TMEM225B: variants seen among roughly 807,000 people sequenced by gnomAD.
TMEM225B encodes transmembrane protein 225-like.
TMEM225B carries 10 observed loss-of-function variants against 16.9 expected under a neutral mutation model. The ratio of observed to expected loss-of-function variants is 0.59; its 90% confidence interval spans 0.36 to 1.00. The LOEUF (loss-of-function observed/expected upper bound fraction) is 1.00. Ranked by LOEUF, TMEM225B falls within the 50% of genes least tolerant of loss-of-function variation. The pLI is 0.01. For synonymous variants in TMEM225B, 92 were observed against 109.8 expected, an observed-to-expected ratio of 0.84 and a Z score of 1.01; for missense variants, 217 against 267.0, an observed-to-expected ratio of 0.81 and a Z score of 1.30.
intron 1 of TMEM225B, 34 bp downstream of exon 1, chr7:99,598,415 G>A (rs915898489): frequency 6.6e-6 from 1 of 152,530 alleles, no homozygotes; most frequent in Non-Finnish European, 1.5e-5. Flanking sequence ...ACCAGTATGG[G>A]GGAGAGCAAG....
At chr7:99,610,347 G>A (rs1188735543) in intron 5 of TMEM225B, 46 bp from the exon 6 acceptor site, 8 of 1,493,260 alleles carry the variant, frequency 5.4e-6, no homozygotes, top group East Asian at 2.5e-5. Flanking sequence ...AGGGCGTGGA[G>A]CTCTGGACTT....
chr7:99,601,962 T>G (rs145297825), intron 2 of TMEM225B, among the ~76,000 whole-genome samples: 1 of 152,194 alleles, frequency 6.6e-6, no homozygotes, highest in East Asian at 1.9e-4. Flanking sequence ...GAAAGCATGC[T>G]CACTTCGAGG....
intron 1 of TMEM225B, among the ~76,000 whole-genome samples, 154 bp from the exon 2 acceptor site, chr7:99,600,051 G>A: frequency 6.6e-6 from 1 of 152,232 alleles, no homozygotes; most frequent in East Asian, 1.9e-4. Flanking sequence ...AGGGAAAGGA[G>A]GACAAGGTCC....
rs1805953639 is a variant in TMEM225B, at chr7:99,607,806, G to A, written c.489G>A (p.Val163=). The change falls in exon 5 of 6, where the codon GTG becomes GTA. Residue 163 remains valine (V), a synonymous_variant. Coordinates refer to ENST00000431679, the MANE Select transcript of TMEM225B (RefSeq NM_001195541.3). The part of the protein sequence containing the change: ...VLGFGIFLFI[V]AGTICLIQEM... ...GCTTCGGCATCTTTCTGTTCATAGT[G>A]GCTGGTGAGTGTCCAGGGAACAGTG... is the stretch of plus-strand genomic sequence containing the variant. 6.5e-7 allele frequency: 1 copy of A among 1,535,852 alleles called. No homozygotes were observed. The highest frequency in any genetic ancestry group is 8.7e-7 in the Non-Finnish European group (1 of 1,146,812).
Position 99,598,313 on chromosome 7 carries a change from G to T in TMEM225B, c.-153G>T, listed in dbSNP as rs867646975. ...GTGGAGCCTGGAGTGGAGGGCGAGG[G>T]TCCCACCGTGACCCGCCTGGAGGGC... On this transcript the variant is annotated 5_prime_UTR_variant, in exon 1 of 6. Transcript: ENST00000431679. 30 of 152,388 alleles carry T rather than the reference G, an allele frequency of 2.0e-4. No homozygotes were observed. The highest frequency in any genetic ancestry group is 7.2e-4 in the African/African-American group (30 of 41,458). 9.4% of individuals were successfully genotyped at this position (152,388 alleles called of 1,614,324 possible).
intron 1 of TMEM225B, among the ~76,000 whole-genome samples, chr7:99,599,134 T>A (rs1805114773): frequency 6.8e-6 from 1 of 147,536 alleles, no homozygotes; most frequent in Non-Finnish European, 1.5e-5. Flanking sequence ...AATTTTTTTT[T>A]TTTTTTTTTT....
At chr7:99,604,781 G>A (rs895040247) in intron 3 of TMEM225B, among the ~76,000 whole-genome samples, 185 bp downstream of exon 3, 68 of 152,060 alleles carry the variant, frequency 4.5e-4, no homozygotes, top group African/African-American at 1.4e-3. Context: ...ATTGCTTGAG[G>A]CCAGGAGTTC....
chr7:99,606,210 G>A (rs943952786), intron 3 of TMEM225B, among the ~76,000 whole-genome samples: 1 of 152,188 alleles, frequency 6.6e-6, no homozygotes, highest in Non-Finnish European at 1.5e-5. Context: ...TGGGAGGATC[G>A]CTGGAGCCCA....
At chr7:99,599,336 C>A (rs537283274) in intron 1 of TMEM225B, among the ~76,000 whole-genome samples, 1 of 152,010 alleles carries the variant, frequency 6.6e-6, no homozygotes, top group South Asian at 2.1e-4. Flanking sequence ...GTAATTTCAG[C>A]ACTTTGGGAG....
rs749748007 is a variant in TMEM225B, at chr7:99,610,832, T to C, written c.*267T>C. ...AAAGAAGGGCTACTTTGTTCATCCATATCTCAAAAACCAAGTCCGCAGGGC... is the reference window on the plus strand; with the variant it reads ...AAAGAAGGGCTACTTTGTTCATCCACATCTCAAAAACCAAGTCCGCAGGGC... On this transcript the variant is annotated 3_prime_UTR_variant, in exon 6 of 6. Transcript: ENST00000431679. 32 of 329,186 alleles carry C rather than the reference T, an allele frequency of 9.7e-5. No individual in the cohort carries two copies. Among genetic ancestry groups the C allele is most frequent in the African/African-American group, 5.6e-4 (27 of 48,550 alleles). 20.4% of individuals were successfully genotyped at this position (329,186 alleles called of 1,614,324 possible). A position where few individuals can be genotyped will look rare whatever the true frequency, so the allele number is the denominator to read the frequency against.
chr7:99,608,839 GTATATA>G (rs72285430), intron 5 of TMEM225B, among the ~76,000 whole-genome samples: 27 of 132,518 alleles, frequency 2.0e-4, no homozygotes, highest in Admixed American at 1.5e-3. Context: ...GTGTGTGCAC[GTATATA>G]TATATATATA....
In TMEM225B at chr7:99,610,539, C is replaced by T; in HGVS notation, c.640C>T (p.Gln214Ter). 3 of 1,536,070 alleles carry T rather than the reference C, an allele frequency of 2.0e-6. No homozygotes were observed. The highest frequency in any genetic ancestry group is 1.7e-6 in the Non-Finnish European group (2 of 1,146,910). The change falls in exon 6 of 6, where the codon CAG becomes TAG. Residue 214 changes from glutamine to a stop codon, truncating the protein, a stop_gained. Coordinates refer to ENST00000431679, the MANE Select transcript of TMEM225B (RefSeq NM_001195541.3). LOFTEE classifies it high-confidence loss of function. Reference sequence around the variant, plus strand: ...ACCGAGCTCAGTACAAAAGGAGACACAGGTGACAGCAGAAACAGTCATCTA... The same window carrying T: ...ACCGAGCTCAGTACAAAAGGAGACATAGGTGACAGCAGAAACAGTCATCTA... ...GEPSSVQKET[Q>*]VTAETVI
intron 4 of TMEM225B, 51 bp downstream of exon 4, chr7:99,606,945 T>G: frequency 6.5e-7 from 1 of 1,528,274 alleles, no homozygotes; most frequent in Non-Finnish European, 8.8e-7. Context: ...TGGGGAGGAG[T>G]CCAGAGAAAG....
chr7:99,609,300 T>G (rs1486702813), intron 5 of TMEM225B, among the ~76,000 whole-genome samples: 1 of 152,258 alleles, frequency 6.6e-6, no homozygotes, highest in East Asian at 1.9e-4. Context: ...TTCTTTGAAG[T>G]TCTCTCACAT....
intron 5 of TMEM225B, among the ~76,000 whole-genome samples, chr7:99,608,278 A>G (rs534196987): frequency 7.9e-5 from 12 of 152,160 alleles, no homozygotes; most frequent in South Asian, 2.1e-4. Flanking sequence ...AAAGTTATGA[A>G]TTCAGTTCCT....
chr7:99,608,061 C>A (rs985210923), intron 5 of TMEM225B, among the ~76,000 whole-genome samples: 2 of 152,184 alleles, frequency 1.3e-5, no homozygotes, highest in Non-Finnish European at 1.5e-5. Flanking sequence ...TTGAGACCAG[C>A]CTGGCCAACA....
intron 3 of TMEM225B, 59 bp from the exon 4 acceptor site, chr7:99,606,689 A>G: frequency 6.6e-7 from 1 of 1,507,722 alleles, no homozygotes; most frequent in Non-Finnish European, 8.9e-7. Flanking sequence ...GCTCTGAGGG[A>G]CTCTGACCTT....
intron 2 of TMEM225B, among the ~76,000 whole-genome samples, chr7:99,601,391 A>G (rs1047948235): frequency 6.6e-6 from 1 of 152,172 alleles, no homozygotes; most frequent in African/African-American, 2.4e-5. Context: ...TCAGGAGTTT[A>G]AGACACCCTG....
Position 99,604,659 on chromosome 7 carries a change from G to A in TMEM225B, c.208+63G>A, listed in dbSNP as rs968332588. 7 of 1,331,868 alleles carry A rather than the reference G, an allele frequency of 5.3e-6. No homozygotes were observed. In the Admixed American group the frequency reaches 1.2e-4, roughly 23 times the overall value. The allele number at this position is 1,331,868 out of a possible 1,614,324, so 82.5% of individuals were successfully genotyped here. The stretch of plus-strand genomic sequence containing the variant: ...ATGGGGCCAGTGTTGGGACAGAGGT[G>A]GGGGGTGAAAGAACAGGGTGGGAGC... On this transcript the variant is annotated intron_variant, in intron 3 of 5. Coordinates refer to ENST00000431679, the MANE Select transcript of TMEM225B (RefSeq NM_001195541.3).
Sources: allele counts gnomAD v4.1 joint callset (sites outside exome capture counted in the v4.1 genomes callset), GRCh38; gene constraint gnomAD v4.1.1; transcripts MANE v1.5; gene names NCBI Gene and HGNC (gene_info 2026-07-23, HGNC 2026-07-21).